The following NEXMIF variants were observed in gnomAD, a reference collection of about 807,000 sequenced individuals.
NEXMIF encodes XLMR protein related to neurite extension.
Under a neutral mutation model 62.1 loss-of-function variants are expected in NEXMIF, and 8 were observed. The observed-to-expected ratio is 0.13, with a 90% CI of 0.08 to 0.23. The LOEUF is 0.23. NEXMIF is among the 10% of genes least tolerant of loss of function. The probability of loss-of-function intolerance (pLI) is 1.00; values close to 1 mark genes in which losing one functional copy is unlikely to be tolerated. For missense variants in NEXMIF, 976 were observed against 1,113.3 expected (o/e 0.88, Z 1.75); for synonymous variants, 404 against 416.6 (o/e 0.97, Z 0.37).
intron 1 of NEXMIF, among the ~76,000 whole-genome samples, chrX:74,818,562 T>C (rs1026004624): frequency 8.9e-6 from 1 of 112,049 alleles, no homozygotes; most frequent in African/African-American, 3.2e-5. Flanking sequence ...AAAGATTTCA[T>C]GATGAAGACC....
intron 1 of NEXMIF, among the ~76,000 whole-genome samples, chrX:74,802,344 C>T (rs1410167064): frequency 5.4e-5 from 6 of 111,196 alleles, no homozygotes; most frequent in Non-Finnish European, 1.1e-4. Context: ...ACCCCCAGCT[C>T]CAGGTGGCTC....
At chrX:74,917,620 T>C (rs2080812061) in intron 1 of NEXMIF, among the ~76,000 whole-genome samples, 1 of 111,496 alleles carries the variant, frequency 9.0e-6, no homozygotes, top group Non-Finnish European at 1.9e-5. Flanking sequence ...AAAGCTCATG[T>C]GTCTCAAGGT....
intron 1 of NEXMIF, among the ~76,000 whole-genome samples, chrX:74,863,029 G>A (rs139469235): frequency 2.9e-3 from 315 of 110,155 alleles, no homozygotes; most frequent in Non-Finnish European, 4.9e-3. Context: ...AAACTTAGCC[G>A]GGTGTGGTGG....
intron 1 of NEXMIF, among the ~76,000 whole-genome samples, chrX:74,834,106 C>T (rs1213397863): frequency 9.9e-6 from 1 of 101,299 alleles, no homozygotes; most frequent in Admixed American, 1.1e-4. Context: ...TGCACTCCAG[C>T]CTGGGCAACA....
chrX:74,843,158 G>A (rs1234057313), intron 1 of NEXMIF, among the ~76,000 whole-genome samples: 3 of 111,843 alleles, frequency 2.7e-5, no homozygotes, highest in Non-Finnish European at 5.6e-5. Flanking sequence ...GGGTGCTCCT[G>A]TGTTGGGTGC....
chrX:74,888,409 G>A (rs1320515653), intron 1 of NEXMIF, among the ~76,000 whole-genome samples: 1 of 109,280 alleles, frequency 9.2e-6, no homozygotes, highest in South Asian at 4.0e-4. Context: ...GGATGAAGCT[G>A]GAAAACATCA....
Position 74,756,707 on chromosome X carries a change from A to G in NEXMIF, c.-47-11010T>C, listed in dbSNP as rs185894977. On this transcript the variant is annotated intron_variant, in intron 1 of 3. Coordinates refer to ENST00000055682, the MANE Select transcript of NEXMIF (RefSeq NM_001008537.3). The stretch of plus-strand genomic sequence containing the variant: ...AACTCATTACTGTTACCCATACCCA[A>G]GGCAGCAAAGAAGTCCTCAGAGCAC... 2.5e-4 allele frequency among the ~76,000 whole-genome samples: 28 copies of G among 111,861 alleles called. No individual in the cohort carries two copies. The East Asian group carries it at 7.9e-3, about 32-fold the overall frequency.
chrX:74,778,313 C>CT (rs1471140752), intron 1 of NEXMIF, among the ~76,000 whole-genome samples: 1 of 112,091 alleles, frequency 8.9e-6, no homozygotes, highest in Non-Finnish European at 1.9e-5. Flanking sequence ...CTTGCCCCTT[C>CT]TGTGGGGCTT....
In NEXMIF at chrX:74,888,894, A is replaced by C. The variant is rs759825277; in HGVS notation, c.-48+35989T>G. On this transcript the variant is annotated intron_variant, in intron 1 of 3. Transcript: ENST00000055682. ...AGTTTTCAAAAAGTAGCAGGAAAAA[A>C]ATTTGGCCATGGAACTGATGGTGGA... Among the ~76,000 whole-genome samples, 3 of 111,479 alleles carry C rather than the reference A, an allele frequency of 2.7e-5. No individual in the cohort carries two copies. The East Asian group carries it at 8.5e-4, about 32-fold the overall frequency.
At chrX:74,817,379 G>A (rs1252744690) in intron 1 of NEXMIF, among the ~76,000 whole-genome samples, 1 of 111,185 alleles carries the variant, frequency 9.0e-6, no homozygotes, top group Non-Finnish European at 1.9e-5. Context: ...CCCATCTTCC[G>A]GAAGACTAAG....
rs769105251 is a variant in NEXMIF, at chrX:74,886,816, A to C, written c.-48+38067T>G. Among the ~76,000 whole-genome samples, 33 of 105,032 alleles carry C rather than the reference A, an allele frequency of 3.1e-4. No individual in the cohort carries two copies. The East Asian group carries it at 8.8e-3, about 28-fold the overall frequency. 91.2% of individuals were successfully genotyped at this position (105,032 alleles called of 115,157 possible). A position where few individuals can be genotyped will look rare whatever the true frequency, so the allele number is the denominator to read the frequency against. ...AAAAACTACTTTAAAGTTCATATGGAACCAAAAAAGAGCCCACATCACCAA... is the reference window on the plus strand; with the variant it reads ...AAAAACTACTTTAAAGTTCATATGGCACCAAAAAAGAGCCCACATCACCAA... On this transcript the variant is annotated intron_variant, in intron 1 of 3. Coordinates refer to ENST00000055682, the MANE Select transcript of NEXMIF (RefSeq NM_001008537.3).
At chrX:74,752,852 G>C (rs1403212433) in intron 1 of NEXMIF, among the ~76,000 whole-genome samples, 1 of 111,776 alleles carries the variant, frequency 8.9e-6, no homozygotes, top group Non-Finnish European at 1.9e-5. Context: ...AGTGACAGAA[G>C]AGTATAATCA....
At position 74,823,685 on chromosome X, in the gene NEXMIF, G is replaced by A. The variant is rs1488931262; in HGVS notation, c.-47-77988C>T. 1.2e-4 allele frequency among the ~76,000 whole-genome samples: 11 copies of A among 91,840 alleles called. No individual in the cohort carries two copies. In the Admixed American group the frequency reaches 1.2e-3, roughly 10 times the overall value. 79.8% of individuals were successfully genotyped at this position (91,840 alleles called of 115,157 possible). On this transcript the variant is annotated intron_variant, in intron 1 of 3. Coordinates refer to ENST00000055682, the MANE Select transcript of NEXMIF (RefSeq NM_001008537.3). ...AGAGAAAGAGAGAGAAGCAGAAAGA[G>A]ACAGAGAAAGACAGATAGATAGATA...
chrX:74,924,659 T>C (rs192376595), intron 1 of NEXMIF, among the ~76,000 whole-genome samples: 3 of 113,698 alleles, frequency 2.6e-5, no homozygotes, highest in Non-Finnish European at 5.6e-5. Flanking sequence ...CTTTCCTAGA[T>C]TGCAGTGCCT....
chrX:74,796,223 A>ATATATAATATATATATATATACT (rs2080309602), intron 1 of NEXMIF, among the ~76,000 whole-genome samples: 1 of 64,546 alleles, frequency 1.5e-5, no homozygotes, highest in Non-Finnish European at 2.7e-5. Context: ...ATATATATAC[A>ATATATAATATATATATATATACT]TATATAATAT....
intron 1 of NEXMIF, among the ~76,000 whole-genome samples, chrX:74,770,411 T>A (rs1421752960): frequency 8.9e-6 from 1 of 112,289 alleles, no homozygotes; most frequent in Non-Finnish European, 1.9e-5. Context: ...AATTAGTTTA[T>A]CTTTGCTGTG....
chrX:74,834,422 C>G (rs1021781877), intron 1 of NEXMIF, among the ~76,000 whole-genome samples: 4 of 111,414 alleles, frequency 3.6e-5, no homozygotes, highest in Non-Finnish European at 7.5e-5. Context: ...CAGACAACTT[C>G]TTTTTGCTCA....
chrX:74,894,558 C>G (rs72630726), intron 1 of NEXMIF, among the ~76,000 whole-genome samples: 16,220 of 110,911 alleles, frequency 0.15, 1,787 homozygotes, highest in East Asian at 0.9. Context: ...AGGCCAATAT[C>G]TCTGATAAAT....
At chrX:74,745,440 G>A (rs2080123465) in intron 2 of NEXMIF, 132 bp downstream of exon 2, 6 of 480,932 alleles carry the variant, frequency 1.2e-5, no homozygotes, top group South Asian at 1.0e-4. Context: ...GTGGAATAAA[G>A]TTTACAATTA....
Sources: gnomAD v4.1 joint callset for allele counts (sites outside exome capture counted in the v4.1 genomes callset) on GRCh38, gnomAD v4.1.1 for gene constraint, MANE v1.5 for transcripts, NCBI Gene and HGNC (gene_info 2026-07-23, HGNC 2026-07-21) for gene names.